Variants in FAM83F observed in about 807,000 individuals in gnomAD.
FAM83F encodes protein FAM83F.
FAM83F carries 45 observed loss-of-function variants against 42.9 expected under a neutral mutation model. That is an observed-to-expected ratio of 1.05 (90% CI 0.83 to 1.35). The LOEUF (loss-of-function observed/expected upper bound fraction) is 1.35. Among genes scored for constraint, FAM83F ranks in the 40% most tolerant of loss-of-function variants. FAM83F has a pLI of 0.00. For missense variants in FAM83F, 617 were observed against 695.9 expected (o/e 0.89, Z 1.28); for synonymous variants, 306 against 298.3 (o/e 1.03, Z -0.27).
At chr22:40,005,293 G>A (rs1464342529) in intron 1 of FAM83F, among the ~76,000 whole-genome samples, 7 of 152,210 alleles carry the variant, frequency 4.6e-5, no homozygotes, top group Admixed American at 4.6e-4. Flanking sequence ...CCTAAAAATC[G>A]CTTGTGTATC....
intron 1 of FAM83F, among the ~76,000 whole-genome samples, chr22:40,007,401 C>T (rs1457509102): frequency 6.0e-5 from 1 of 16,804 alleles, no homozygotes; most frequent in Non-Finnish European, 1.3e-4. Context: ...TTCCTCTCCT[C>T]CTCCTCTTCC....
rs2067655211 is a variant in FAM83F at position 40,042,352 on chromosome 22, T to C, written c.*12787T>C. The stretch of plus-strand genomic sequence containing the variant: ...TTCTAAGAAGAACAGGCTTTGGCCA[T>C]CTCTGGATATTCCCATTCTGCTCCC... On this transcript the variant is annotated 3_prime_UTR_variant, in exon 5 of 5. Transcript: ENST00000333407. The C allele has an allele frequency of 2.0e-5, 3 of 152,186 alleles. No individual in the cohort carries two copies. In the South Asian group the frequency reaches 6.2e-4, roughly 32 times the overall value. 9.4% of individuals were successfully genotyped at this position (152,186 alleles called of 1,614,324 possible). A position where few individuals can be genotyped will look rare whatever the true frequency, so the allele number is the denominator to read the frequency against.
chr22:40,016,487 C>A (rs1481384916), intron 1 of FAM83F, among the ~76,000 whole-genome samples: 1 of 152,082 alleles, frequency 6.6e-6, no homozygotes, highest in African/African-American at 2.4e-5. Flanking sequence ...GTGTAAGCCA[C>A]TGTGCCCAGC....
chr22:39,999,518 A>G (rs1434567687), intron 1 of FAM83F, among the ~76,000 whole-genome samples: 2 of 152,130 alleles, frequency 1.3e-5, no homozygotes, highest in East Asian at 1.9e-4. Context: ...AAACTGTCCA[A>G]TCTCCTCCGC....
chr22:40,019,384 C>A, intron 2 of FAM83F, 49 bp downstream of exon 2: 1 of 1,571,942 alleles, frequency 6.4e-7, no homozygotes, highest in Non-Finnish European at 8.7e-7. Context: ...GAGACAGAGA[C>A]TACCTCTGCC....
chr22:40,039,833 C>G lies in FAM83F; in HGVS notation c.*10268C>G, dbSNP rs541712551. ...ATTGGTGAAGCCATGGAAACAAGGACTGAGAAAGTCTCTTGGATCTTGGCC... is the reference window on the plus strand; with the variant it reads ...ATTGGTGAAGCCATGGAAACAAGGAGTGAGAAAGTCTCTTGGATCTTGGCC... On this transcript the variant is annotated 3_prime_UTR_variant, in exon 5 of 5. Coordinates refer to ENST00000333407, the MANE Select transcript of FAM83F (RefSeq NM_138435.4). 6.6e-6 allele frequency: 1 copy of G among 152,334 alleles called. No homozygotes were observed. The highest frequency in any genetic ancestry group is 2.1e-4 in the South Asian group (1 of 4,832). The allele number at this position is 152,334 out of a possible 1,614,324, so 9.4% of individuals were successfully genotyped here.
Position 39,995,466 on chromosome 22 carries a change from C to T in FAM83F, c.424C>T (p.Pro142Ser), listed in dbSNP as rs761716229. ...CCGGGTCACGCTCTTCACCCACCCG[C>T]CCAAGGACGAGAAGGCGCCGCACCT... is the stretch of plus-strand genomic sequence containing the variant. ...VSRVTLFTHPPKDEKAPHLKQ... is the reference protein window; with the variant it reads ...VSRVTLFTHPSKDEKAPHLKQ... Residue 142 changes from proline (P) to serine (S), a missense_variant, in exon 1 of 5, where the codon CCC becomes TCC. By Grantham distance (74) the Pro-to-Ser change is moderately conservative. Transcript: ENST00000333407. The surrounding 1 kb of genome is among the most constrained non-coding windows in gnomAD (Gnocchi z 4.6). 4.4e-6 allele frequency: 7 copies of T among 1,573,660 alleles called. No homozygotes were observed. The South Asian group carries it at 7.0e-5, about 16-fold the overall frequency.
At chr22:40,005,967 C>T (rs768330980) in intron 1 of FAM83F, among the ~76,000 whole-genome samples, 12 of 152,298 alleles carry the variant, frequency 7.9e-5, no homozygotes, top group Non-Finnish European at 1.5e-4. Context: ...TAGCCGGGCG[C>T]GGTGGCTCAC....
rs866341707 is a variant in FAM83F at position 40,043,317 on chromosome 22, T to C, written c.*13752T>C. The C allele has an allele frequency of 6.6e-6, 1 of 152,188 alleles. No homozygotes were observed. Among genetic ancestry groups the C allele is most frequent in the Non-Finnish European group, 1.5e-5 (1 of 68,032 alleles). The allele number at this position is 152,188 out of a possible 1,614,324, so 9.4% of individuals were successfully genotyped here. ...TCCAGCGTTGTGCTCCTGGAGATCATTTCGGTCGCAAAAGCTCACTGGCAA... is the reference window on the plus strand; with the variant it reads ...TCCAGCGTTGTGCTCCTGGAGATCACTTCGGTCGCAAAAGCTCACTGGCAA... On this transcript the variant is annotated 3_prime_UTR_variant, in exon 5 of 5. Coordinates refer to ENST00000333407, the MANE Select transcript of FAM83F (RefSeq NM_138435.4).
rs913850499 is a variant in FAM83F, at chr22:40,030,964, A to C, written c.*1399A>C. The C allele has an allele frequency of 1.3e-5, 2 of 152,236 alleles. No individual in the cohort carries two copies. The highest frequency in any genetic ancestry group is 4.8e-5 in the African/African-American group (2 of 41,424). 9.4% of individuals were successfully genotyped at this position (152,236 alleles called of 1,614,324 possible). ...GGGGCTGCTCTGGCTGGGCTGTGGG[A>C]GCCAGGCATTGCTTCTGAGGAAGCA... On this transcript the variant is annotated 3_prime_UTR_variant, in exon 5 of 5. Coordinates refer to ENST00000333407, the MANE Select transcript of FAM83F (RefSeq NM_138435.4).
At chr22:39,998,512 GGGGGTGA>G (rs2067381951) in intron 1 of FAM83F, among the ~76,000 whole-genome samples, 1 of 151,884 alleles carries the variant, frequency 6.6e-6, no homozygotes, top group African/African-American at 2.4e-5. Flanking sequence ...AACATGAATG[GGGGGTGA>G]GGGGGGAGGG....
intron 1 of FAM83F, among the ~76,000 whole-genome samples, chr22:39,999,908 C>A (rs2067390514): frequency 6.6e-6 from 1 of 152,222 alleles, no homozygotes. Context: ...GCCACCTCTG[C>A]CTTGGCATTT....
chr22:40,015,617 G>T (rs1409973143), intron 1 of FAM83F, among the ~76,000 whole-genome samples: 1 of 152,116 alleles, frequency 6.6e-6, no homozygotes, highest in Non-Finnish European at 1.5e-5. Flanking sequence ...ACACACTCGT[G>T]CAAGGCAGCC....
chr22:40,001,213 C>G (rs779790157), intron 1 of FAM83F, among the ~76,000 whole-genome samples: 38 of 152,272 alleles, frequency 2.5e-4, no homozygotes, highest in Middle Eastern at 3.4e-3. Context: ...AAGACAGACT[C>G]TGAAGTTGAA....
In FAM83F at chr22:40,021,386, C is replaced by A; in HGVS notation, c.876C>A (p.Tyr292Ter). The change falls in exon 4 of 5, where the codon TAC becomes TAA. Residue 292 changes from tyrosine to a stop codon, truncating the protein, a stop_gained. Transcript: ENST00000333407. LOFTEE classifies it high-confidence loss of function. This position sits in a 1 kb window ranked among gnomAD's most constrained non-coding sequence, Gnocchi z 8.7. ...EPFDTEFRELYAISEEVDLYR... is the reference protein window; with the variant it reads ...EPFDTEFREL Reference sequence around the variant, plus strand: ...TTGACACGGAGTTCCGGGAGCTGTACGCCATCTCCGAGGAGGTGGACTTGT... The same window carrying A: ...TTGACACGGAGTTCCGGGAGCTGTAAGCCATCTCCGAGGAGGTGGACTTGT... 6.2e-7 allele frequency: 1 copy of A among 1,613,346 alleles called. No homozygotes were observed. Among genetic ancestry groups the A allele is most frequent in the African/African-American group, 1.3e-5 (1 of 75,046 alleles).
rs2067518893 is a variant in FAM83F, at chr22:40,021,310, A to G, written c.800A>G (p.His267Arg). Residue 267 changes from histidine to arginine, a missense_variant, in exon 4 of 5, where the codon CAT becomes CGT. Coordinates refer to ENST00000333407, the MANE Select transcript of FAM83F (RefSeq NM_138435.4). The surrounding 1 kb of genome is among the most constrained non-coding windows in gnomAD (Gnocchi z 8.7). Reference protein sequence around the residue: ...GSYRFTWSSSHVDRNLLLLLT... With the variant: ...GSYRFTWSSSRVDRNLLLLLT... The stretch of plus-strand genomic sequence containing the variant: ...CCCAGGTTCACCTGGAGTTCCTCCC[A>G]TGTGGACAGAAACCTCCTCCTGCTC... 6.4e-7 allele frequency: 1 copy of G among 1,556,536 alleles called. No homozygotes were observed. Among genetic ancestry groups the G allele is most frequent in the South Asian group, 1.2e-5 (1 of 85,068 alleles).
Position 40,021,383 on chromosome 22 carries a change from G to C in FAM83F, c.873G>C (p.Leu291=), listed in dbSNP as rs1421142085. Residue 291 remains leucine, a synonymous_variant, in exon 4 of 5, where the codon CTG becomes CTC. Coordinates refer to ENST00000333407, the MANE Select transcript of FAM83F (RefSeq NM_138435.4). The surrounding 1 kb of genome is among the most constrained non-coding windows in gnomAD (Gnocchi z 8.7). ...VEPFDTEFRE[L]YAISEEVDLY... ...CCTTTGACACGGAGTTCCGGGAGCT[G>C]TACGCCATCTCCGAGGAGGTGGACT... 6 of 1,613,300 alleles carry C rather than the reference G, an allele frequency of 3.7e-6. No individual in the cohort carries two copies. The highest frequency in any genetic ancestry group is 1.7e-4 in the Middle Eastern group (1 of 6,058).
At chr22:40,027,344 C>T (rs2067559531) in intron 4 of FAM83F, among the ~76,000 whole-genome samples, 1 of 152,154 alleles carries the variant, frequency 6.6e-6, no homozygotes, top group African/African-American at 2.4e-5. Flanking sequence ...CTCTCTCCCG[C>T]ACCACCTCAC....
chr22:39,995,585 G>A lies in FAM83F; in HGVS notation c.489+54G>A, dbSNP rs1000413418. ...CTGGGACCTCGGCCCCAGTCCCCTGGACCGGGCCCCACCTCCCAGGCAGGG... is the reference window on the plus strand; with the variant it reads ...CTGGGACCTCGGCCCCAGTCCCCTGAACCGGGCCCCACCTCCCAGGCAGGG... On this transcript the variant is annotated intron_variant, in intron 1 of 4. Transcript: ENST00000333407. The surrounding 1 kb of genome is among the most constrained non-coding windows in gnomAD (Gnocchi z 4.6). 1 of 1,474,470 alleles carries A rather than the reference G, an allele frequency of 6.8e-7. No individual in the cohort carries two copies. The highest frequency in any genetic ancestry group is 1.4e-5 in the African/African-American group (1 of 70,976). 91.3% of individuals were successfully genotyped at this position (1,474,470 alleles called of 1,614,324 possible).
Sources: gnomAD v4.1 joint callset for allele counts (sites outside exome capture counted in the v4.1 genomes callset) on GRCh38, gnomAD v4.1.1 for gene constraint, Gnocchi (gnomAD v3.1) non-coding constraint, MANE v1.5 for transcripts, NCBI Gene and HGNC (gene_info 2026-07-23, HGNC 2026-07-21) for gene names.